Variants in TMEM19 observed in about 807,000 individuals in gnomAD.
The protein encoded by TMEM19 is transmembrane protein 19.
A neutral mutation model predicts 33.6 loss-of-function variants in TMEM19; 21 were observed. That is an observed-to-expected ratio of 0.62 (90% CI 0.44 to 0.90). TMEM19 has a LOEUF of 0.90. Among genes scored for constraint, TMEM19 ranks in the 40% least tolerant of loss-of-function variants. TMEM19 has a pLI of 0.00. For synonymous variants in TMEM19, 149 were observed against 147.5 expected (o/e 1.01, Z -0.07); for missense variants, 402 against 401.8 (o/e 1.00, Z 0.00).
intron 1 of TMEM19, among the ~76,000 whole-genome samples, chr12:71,687,990 A>G (rs960839067): frequency 6.6e-6 from 1 of 151,828 alleles, no homozygotes; most frequent in Non-Finnish European, 1.5e-5. Context: ...AATGATTCAC[A>G]GTGGGGCATC....
chr12:71,694,174 C>G (rs544303175), intron 2 of TMEM19, among the ~76,000 whole-genome samples: 2 of 152,306 alleles, frequency 1.3e-5, no homozygotes, highest in South Asian at 4.1e-4. Context: ...GGGGTTCAGT[C>G]ACAGTCAGTC....
intron 3 of TMEM19, 69 bp from the exon 4 acceptor site, chr12:71,697,211 C>G (rs1185469090): frequency 3.3e-6 from 5 of 1,537,850 alleles, no homozygotes; most frequent in Non-Finnish European, 4.3e-6. Context: ...AACATAAACA[C>G]CTATAACTGC....
At chr12:71,698,769 A>G (rs1379941966) in intron 4 of TMEM19, 131 bp from the exon 5 acceptor site, 1 of 760,562 alleles carries the variant, frequency 1.3e-6, no homozygotes, top group Non-Finnish European at 2.1e-6. Context: ...CTAAAAAGCT[A>G]CAGTCTTTAG....
rs1881961090 is a variant in TMEM19 at position 71,700,712 on chromosome 12, T to A, written c.848-120T>A. ...GAAAAAGCCTATTTTGTTCTTTTTT[T>A]AAAATCAAGTACATGTACCCTAGAA... On this transcript the variant is annotated intron_variant, in intron 5 of 5. Transcript: ENST00000266673. The A allele has an allele frequency of 5.0e-6, 5 of 1,009,976 alleles. No homozygotes were observed. In the South Asian group the frequency reaches 1.1e-4, roughly 23 times the overall value. 62.6% of individuals were successfully genotyped at this position (1,009,976 alleles called of 1,614,324 possible).
chr12:71,695,720 C>T (rs1225323948), intron 2 of TMEM19, among the ~76,000 whole-genome samples: 2 of 152,060 alleles, frequency 1.3e-5, no homozygotes, highest in African/African-American at 4.8e-5. Context: ...CCGGTAAAGT[C>T]AGAATTCTGA....
At chr12:71,690,334 A>G (rs1346887969) in intron 2 of TMEM19, 1 of 152,002 alleles carries the variant, frequency 6.6e-6, no homozygotes, top group Non-Finnish European at 1.5e-5. Context: ...TGGTATTTTT[A>G]TTAGAGACAG....
At chr12:71,698,389 A>C (rs1400408804) in intron 4 of TMEM19, among the ~76,000 whole-genome samples, 1 of 152,184 alleles carries the variant, frequency 6.6e-6, no homozygotes, top group Non-Finnish European at 1.5e-5. Flanking sequence ...ATATCTTATA[A>C]AGAAACTAAA....
intron 5 of TMEM19, chr12:71,699,958 T>C (rs897614877): frequency 6.6e-6 from 1 of 152,264 alleles, no homozygotes; most frequent in African/African-American, 2.4e-5. Flanking sequence ...ACATATTCTG[T>C]TAGGTGTGTA....
chr12:71,689,113 G>A (rs1388593120), intron 1 of TMEM19, among the ~76,000 whole-genome samples: 2 of 152,172 alleles, frequency 1.3e-5, no homozygotes, highest in Non-Finnish European at 2.9e-5. Flanking sequence ...ATGCATGCAT[G>A]TCTCAACATA....
rs2137604417 is a variant in TMEM19 at position 71,704,720 on chromosome 12, G to A, written c.*3725G>A. The A allele has an allele frequency of 6.6e-6, 1 of 152,366 alleles. No individual in the cohort carries two copies. The highest frequency in any genetic ancestry group is 2.1e-4 in the South Asian group (1 of 4,820). 9.4% of individuals were successfully genotyped at this position (152,366 alleles called of 1,614,324 possible). A position where few individuals can be genotyped will look rare whatever the true frequency, so the allele number is the denominator to read the frequency against. On this transcript the variant is annotated 3_prime_UTR_variant, in exon 6 of 6. Coordinates refer to ENST00000266673, the MANE Select transcript of TMEM19 (RefSeq NM_018279.4). ...GCCTGTAGTCCCAGCTATTCAGGAGGCTGAGGCGTGAGAATCACTTGAACC... is the reference window on the plus strand; with the variant it reads ...GCCTGTAGTCCCAGCTATTCAGGAGACTGAGGCGTGAGAATCACTTGAACC...
At chr12:71,695,056 A>G (rs959185980) in intron 2 of TMEM19, among the ~76,000 whole-genome samples, 2 of 152,232 alleles carry the variant, frequency 1.3e-5, no homozygotes, top group Non-Finnish European at 2.9e-5. Flanking sequence ...CTATTGTCAT[A>G]TATATGAACC....
Position 71,704,037 on chromosome 12 carries a change from A to T in TMEM19, c.*3042A>T, listed in dbSNP as rs188857754. 3 of 453,276 alleles carry T rather than the reference A, an allele frequency of 6.6e-6. No individual in the cohort carries two copies. In the East Asian group the frequency reaches 2.1e-4, roughly 32 times the overall value. 28.1% of individuals were successfully genotyped at this position (453,276 alleles called of 1,614,324 possible). A position where few individuals can be genotyped will look rare whatever the true frequency, so the allele number is the denominator to read the frequency against. On this transcript the variant is annotated 3_prime_UTR_variant, in exon 6 of 6. Coordinates refer to ENST00000266673, the MANE Select transcript of TMEM19 (RefSeq NM_018279.4). ...AAGAGCTCTATGTAACAGCATAATA[A>T]AACTGCCTACCTAGCAGCATAAAGG...
Position 71,705,040 on chromosome 12 carries a change from A to C in TMEM19, c.*4045A>C, listed in dbSNP as rs1168728710. On this transcript the variant is annotated 3_prime_UTR_variant, in exon 6 of 6. Coordinates refer to ENST00000266673, the MANE Select transcript of TMEM19 (RefSeq NM_018279.4). ...TATTCCTGGAGGAAAATACAAAATG[A>C]AAAACCAGTTTGGCTACCTGAATTT... The C allele has an allele frequency of 6.6e-6, 1 of 152,210 alleles. No homozygotes were observed. Among genetic ancestry groups the C allele is most frequent in the Non-Finnish European group, 1.5e-5 (1 of 68,038 alleles). 9.4% of individuals were successfully genotyped at this position (152,210 alleles called of 1,614,324 possible).
Position 71,686,582 on chromosome 12 carries a change from A to G in TMEM19, c.-99A>G, listed in dbSNP as rs1288562733. ...TGGTCGGTGGAATATGTTGGGATTT[A>G]TGTTTGCCTCTGAACAAGTGTCTTG... On this transcript the variant is annotated 5_prime_UTR_variant, in exon 1 of 6. The change abolishes an upstream ATG in the 5' untranslated region. Transcript: ENST00000266673. 7.4e-7 allele frequency: 1 copy of G among 1,349,684 alleles called. No homozygotes were observed. The highest frequency in any genetic ancestry group is 1.5e-5 in the African/African-American group (1 of 67,630). 83.6% of individuals were successfully genotyped at this position (1,349,684 alleles called of 1,614,324 possible). A position where few individuals can be genotyped will look rare whatever the true frequency, so the allele number is the denominator to read the frequency against.
At chr12:71,697,167 A>T (rs1881887670) in intron 3 of TMEM19, 113 bp from the exon 4 acceptor site, 2 of 1,427,076 alleles carry the variant, frequency 1.4e-6, no homozygotes, top group Non-Finnish European at 1.9e-6. Flanking sequence ...CTGTTTTTAA[A>T]TTTTTTTGTT....
rs375901818 is a variant in TMEM19 at position 71,702,870 on chromosome 12, T to C, written c.*1875T>C. Reference sequence around the variant, plus strand: ...TGGGAGATTCTAATGCTTAACCAAATTGAGAAGCACTGAATAAGAATATCC... The same window carrying C: ...TGGGAGATTCTAATGCTTAACCAAACTGAGAAGCACTGAATAAGAATATCC... On this transcript the variant is annotated 3_prime_UTR_variant, in exon 6 of 6. Transcript: ENST00000266673. 4 of 152,074 alleles carry C rather than the reference T, an allele frequency of 2.6e-5. No homozygotes were observed. Among genetic ancestry groups the C allele is most frequent in the Admixed American group, 6.6e-5 (1 of 15,256 alleles). 9.4% of individuals were successfully genotyped at this position (152,074 alleles called of 1,614,324 possible).
Position 71,700,870 on chromosome 12 carries a change from A to G in TMEM19, c.886A>G (p.Thr296Ala), listed in dbSNP as rs377063278. ...ESTGMVVNSP[T>A]NKARHIAGKP... is the part of the protein sequence containing the mutation. Reference sequence around the variant, plus strand: ...CACTGGCATGGTGGTCAACAGCCCAACAAATAAGGCAAGGCACATAGCAGG... The same window carrying G: ...CACTGGCATGGTGGTCAACAGCCCAGCAAATAAGGCAAGGCACATAGCAGG... The change falls in exon 6 of 6, where the codon ACA (threonine) becomes GCA (alanine). Residue 296 changes from threonine to alanine, a missense_variant. By Grantham distance (58) the Thr-to-Ala change is moderately conservative (BLOSUM62 0). Coordinates refer to ENST00000266673, the MANE Select transcript of TMEM19 (RefSeq NM_018279.4). 1 of 1,611,970 alleles carries G rather than the reference A, an allele frequency of 6.2e-7. No individual in the cohort carries two copies. The highest frequency in any genetic ancestry group is 1.7e-5 in the Admixed American group (1 of 59,720).
rs1881696822 is a variant in TMEM19, at chr12:71,686,755, C to T, written c.75C>T (p.Ile25=). The part of the protein sequence containing the change: ...MITNIVILSL[I]ICISLAFWII... Reference sequence around the variant, plus strand: ...CTAATATAGTTATACTGAGCCTGATCATTTGCATTTCGTTAGCTTTCTGGA... The same window carrying T: ...CTAATATAGTTATACTGAGCCTGATTATTTGCATTTCGTTAGCTTTCTGGA... Residue 25 remains isoleucine (I), a synonymous_variant, in exon 1 of 6, where the codon ATC becomes ATT. Coordinates refer to ENST00000266673, the MANE Select transcript of TMEM19 (RefSeq NM_018279.4). The T allele has an allele frequency of 6.2e-7, 1 of 1,612,716 alleles. No homozygotes were observed. Among genetic ancestry groups the T allele is most frequent in the Non-Finnish European group, 8.5e-7 (1 of 1,179,624 alleles).
In TMEM19 at chr12:71,686,821, G is replaced by T; in HGVS notation, c.130+11G>T. 6.3e-7 allele frequency: 1 copy of T among 1,588,576 alleles called. No homozygotes were observed. Among genetic ancestry groups the T allele is most frequent in the South Asian group, 1.1e-5 (1 of 87,652 alleles). On this transcript the variant is annotated intron_variant, in intron 1 of 5. Coordinates refer to ENST00000266673, the MANE Select transcript of TMEM19 (RefSeq NM_018279.4). ...CAAGCACCTATTATGGTAAGTCTGA[G>T]TGTTCTAAGTTGTTTCTCTGTAATC...
Sources: allele counts gnomAD v4.1 joint callset (sites outside exome capture counted in the v4.1 genomes callset), GRCh38; gene constraint gnomAD v4.1.1; transcripts MANE v1.5; gene names NCBI Gene and HGNC (gene_info 2026-07-23, HGNC 2026-07-21).